IL13RA1: variants seen among roughly 807,000 people sequenced by gnomAD.
The protein encoded by IL13RA1 is interleukin 13 receptor subunit alpha 1, also known as interleukin-13 receptor subunit alpha-1.
In IL13RA1, 14 loss-of-function variants were observed where a neutral mutation model predicts 33.8. That is an observed-to-expected ratio of 0.41 (90% confidence interval 0.27 to 0.65). The LOEUF (loss-of-function observed/expected upper bound fraction) is 0.65. Among genes scored for constraint, IL13RA1 ranks in the 30% least tolerant of loss-of-function variants. The pLI, the probability that IL13RA1 is intolerant of heterozygous loss-of-function variation, is 0.28. For missense variants in IL13RA1, 313 were observed against 327.0 expected, an observed-to-expected ratio of 0.96 and a Z score of 0.33; for synonymous variants, 116 against 115.7, an observed-to-expected ratio of 1.00 and a Z score of -0.02.
chrX:118,781,290 CT>C (rs781167217), intron 10 of IL13RA1, among the ~76,000 whole-genome samples: 27 of 111,441 alleles, frequency 2.4e-4, no homozygotes, highest in Non-Finnish European at 4.3e-4. Flanking sequence ...CAGAAAGGAG[CT>C]TTTTAAACAT....
At chrX:118,803,854 TTTCCTTCCTTCCTTCCTTCCTTCC>T in the IL13RA1 span, among the ~76,000 whole-genome samples, 3,179 of 69,354 alleles carry the variant, frequency 0.046, 79 homozygotes, top group South Asian at 0.085. Flanking sequence ...TGTTTTCTCT[TTTCCTTCCTTCCTTCCTTCCTTCC>T]TTCCTTCCTT....
At chrX:118,801,182 A>G in the IL13RA1 span, among the ~76,000 whole-genome samples, 26 of 112,732 alleles carry the variant, frequency 2.3e-4, no homozygotes, top group Admixed American at 7.5e-4. Flanking sequence ...ATTGGAAACA[A>G]TTTCCTCTGA....
At chrX:118,747,777 T>C (rs990903111) in intron 3 of IL13RA1, among the ~76,000 whole-genome samples, 3 of 110,315 alleles carry the variant, frequency 2.7e-5, no homozygotes, top group African/African-American at 9.9e-5. Context: ...GAGTAGCATA[T>C]ACTGATTAAG....
intron 8 of IL13RA1, among the ~76,000 whole-genome samples, chrX:118,768,587 A>T (rs1286481040): frequency 8.9e-6 from 1 of 112,147 alleles, no homozygotes; most frequent in African/African-American, 3.2e-5. Flanking sequence ...TGGAAATAGG[A>T]TTTTTGCAGA....
intron 10 of IL13RA1, among the ~76,000 whole-genome samples, chrX:118,784,090 A>ATATATATATATATATAT (rs1200223891): frequency 1.1e-3 from 71 of 63,909 alleles, no homozygotes; most frequent in Non-Finnish European, 1.4e-3. Context: ...AAAAAAAAAA[A>ATATATATATATATATAT]ATATATATAT....
intron 1 of IL13RA1, among the ~76,000 whole-genome samples, chrX:118,734,685 A>C (rs1270922989): frequency 8.9e-6 from 1 of 112,049 alleles, no homozygotes. Flanking sequence ...CATGGTCTAT[A>C]ATCCTTTTGA....
intron 2 of IL13RA1, among the ~76,000 whole-genome samples, chrX:118,742,302 G>T (rs148693011): frequency 2.4e-3 from 275 of 112,388 alleles, no homozygotes; most frequent in African/African-American, 8.4e-3. Context: ...ACTACTAGCA[G>T]TGAGACTGGA....
Position 118,776,541 on chromosome X carries a change from G to GTTTT in IL13RA1, c.1191+48_1191+51dup, listed in dbSNP as rs5903529. 5.5e-3 allele frequency: 1,197 copies of GTTTT among 217,775 alleles called. 3 individuals carry two copies. The highest frequency in any genetic ancestry group is 8.4e-3 in the African/African-American group (221 of 26,263). 17.9% of individuals were successfully genotyped at this position (217,775 alleles called of 1,213,427 possible). On this transcript the variant is annotated intron_variant, in intron 10 of 10. Coordinates refer to ENST00000371666, the MANE Select transcript of IL13RA1 (RefSeq NM_001560.3). The stretch of plus-strand genomic sequence containing the variant: ...GAACAGATTTCATGGGGCTTGAAAT[G>GTTTT]TTTTTTTTTTTTTTTTTTTTTGGAA...
At chrX:118,770,549 T>A in intron 8 of IL13RA1, 2 of 526,145 alleles carry the variant, frequency 3.8e-6, no homozygotes, top group South Asian at 4.5e-5. Flanking sequence ...TGGATGCGCA[T>A]GGCAGCGCTG....
At chrX:118,771,359 C>T (rs944981618) in intron 8 of IL13RA1, among the ~76,000 whole-genome samples, 1 of 112,219 alleles carries the variant, frequency 8.9e-6, no homozygotes, top group Non-Finnish European at 1.9e-5. Flanking sequence ...TCTGCAGAGG[C>T]ATGGAGGGGT....
At chrX:118,727,816 C>A (rs2017171000) in intron 1 of IL13RA1, 90 bp downstream of exon 1, 2 of 383,682 alleles carry the variant, frequency 5.2e-6, no homozygotes, top group Non-Finnish European at 7.6e-6. Context: ...CAACGCCGGG[C>A]GGAGGGCCGA....
At chrX:118,756,144 A>T (rs781092275) in intron 4 of IL13RA1, among the ~76,000 whole-genome samples, 34 of 111,195 alleles carry the variant, frequency 3.1e-4, no homozygotes, top group Non-Finnish European at 5.3e-4. Flanking sequence ...ATTTTAAAGT[A>T]GTACAGAGGA....
At chrX:118,787,521 C>T (rs1439730214) in intron 10 of IL13RA1, among the ~76,000 whole-genome samples, 1 of 111,459 alleles carries the variant, frequency 9.0e-6, no homozygotes, top group East Asian at 2.8e-4. Flanking sequence ...GGTTTGAGAG[C>T]AGACAACCAT....
rs766015978 is a variant in IL13RA1, at chrX:118,768,533, T to C, written c.1009+1557T>C. Among the ~76,000 whole-genome samples the C allele has an allele frequency of 1.1e-4, 12 of 112,205 alleles. 1 individual carries two copies. In the South Asian group the frequency reaches 4.1e-3, roughly 38 times the overall value. On this transcript the variant is annotated intron_variant, in intron 8 of 10. Coordinates refer to ENST00000371666, the MANE Select transcript of IL13RA1 (RefSeq NM_001560.3). ...TTGAATTGTATCTCCCAAAAAGGTA[T>C]GTTCGTAGGTTCCAACCCCGGTACC...
chrX:118,760,839 A>G (rs754551430), intron 5 of IL13RA1, among the ~76,000 whole-genome samples: 1 of 112,216 alleles, frequency 8.9e-6, no homozygotes, highest in African/African-American at 3.2e-5. Context: ...AAAAAGTAGC[A>G]TAGTACTTGC....
chrX:118,735,692 T>A (rs1190388554), intron 1 of IL13RA1, among the ~76,000 whole-genome samples: 4 of 111,726 alleles, frequency 3.6e-5, no homozygotes, highest in Non-Finnish European at 7.5e-5. Flanking sequence ...GGATTACAGA[T>A]GTGCACCACC....
intron 8 of IL13RA1, among the ~76,000 whole-genome samples, 178 bp from the exon 9 acceptor site, chrX:118,773,701 C>CG (rs774635255): frequency 0.018 from 1,894 of 105,002 alleles, 25 homozygotes; most frequent in Non-Finnish European, 0.031. Flanking sequence ...CAGAGGAGGA[C>CG]TTTTTTTTTT....
intron 3 of IL13RA1, among the ~76,000 whole-genome samples, chrX:118,749,162 C>G (rs2017443045): frequency 8.9e-6 from 1 of 112,316 alleles, no homozygotes; most frequent in African/African-American, 3.2e-5. Context: ...ATGATCCACC[C>G]TTGTTGGCCT....
intron 10 of IL13RA1, among the ~76,000 whole-genome samples, chrX:118,784,152 T>G (rs2017890268): frequency 1.1e-5 from 1 of 89,983 alleles, no homozygotes; most frequent in African/African-American, 4.0e-5. Context: ...TATATACGTA[T>G]ATACACATAT....
Sources: gnomAD v4.1 joint callset for allele counts (sites outside exome capture counted in the v4.1 genomes callset) on GRCh38, gnomAD v4.1.1 for gene constraint, MANE v1.5 for transcripts, NCBI Gene and HGNC (gene_info 2026-07-23, HGNC 2026-07-21) for gene names.